Variants in ADAM12 observed in about 807,000 individuals in gnomAD.
The protein encoded by ADAM12 is disintegrin and metalloproteinase domain-containing protein 12.
ADAM12 carries 70 observed loss-of-function variants against 106.4 expected under a neutral mutation model. The observed-to-expected ratio is 0.66, with a 90% CI of 0.54 to 0.80. The LOEUF is 0.80. Among genes scored for constraint, ADAM12 ranks in the 30% least tolerant of loss-of-function variants. The probability of loss-of-function intolerance (pLI) is 0.00; values close to 1 mark genes in which losing one functional copy is unlikely to be tolerated. For missense variants in ADAM12, 1,010 were observed against 1,171.9 expected (o/e 0.86, Z 2.02); for synonymous variants, 420 against 433.5 (o/e 0.97, Z 0.39).
Position 126,043,047 on chromosome 10 carries a change from C to A in ADAM12, c.2097G>T (p.Arg699=), listed in dbSNP as rs780184067. 3 of 1,614,102 alleles carry A rather than the reference C, an allele frequency of 1.9e-6. No individual in the cohort carries two copies. The East Asian group carries it at 6.7e-5, about 36-fold the overall frequency. The change falls in exon 18 of 23, where the codon CGG becomes CGT. Residue 699 remains arginine, a synonymous_variant. Transcript: ENST00000448723. This position sits in a 1 kb window ranked among gnomAD's most constrained non-coding sequence, Gnocchi z 4.1. ...FGGSTDSGPI[R]QADNQGLTIG... ...TGCAGGGGCTTCACTGACCTGCTTG[C>A]CGGATGGGGCCGCTGTCTGTGCTTC... is the stretch of plus-strand genomic sequence containing the variant.
In ADAM12 at chr10:126,109,781, G is replaced by T. The variant is rs765908294; in HGVS notation, c.663C>A (p.Asn221Lys). The change falls in exon 7 of 23, where the codon AAC becomes AAA. Residue 221 changes from asparagine (N) to lysine (K), a missense_variant. Physicochemically the swap from Asn to Lys is moderately conservative, Grantham distance 94. Transcript: ENST00000448723. Reference protein sequence around the residue: ...KYVELVIVADNREFQRQGKDL... With the variant: ...KYVELVIVADKREFQRQGKDL... The stretch of plus-strand genomic sequence containing the variant: ...AATTTTAAAAAGTTCTTACCTCTCG[G>T]TTGTCTGCCACGATCACCAGCTCCA... 1.9e-6 allele frequency: 3 copies of T among 1,612,086 alleles called. No homozygotes were observed. Among genetic ancestry groups the T allele is most frequent in the Non-Finnish European group, 2.5e-6 (3 of 1,179,552 alleles).
At chr10:126,197,419 C>T (rs1338904882) in intron 3 of ADAM12, among the ~76,000 whole-genome samples, 1 of 152,174 alleles carries the variant, frequency 6.6e-6, no homozygotes, top group Non-Finnish European at 1.5e-5. Flanking sequence ...TTTGGTGATG[C>T]AGCCTGGAGG....
chr10:126,245,506 C>G (rs1000923102), intron 3 of ADAM12, among the ~76,000 whole-genome samples: 1 of 152,118 alleles, frequency 6.6e-6, no homozygotes, highest in African/African-American at 2.4e-5. Context: ...AAGGACTGGG[C>G]AGTGGGCAGG....
At chr10:126,156,334 G>A (rs1956815236) in intron 3 of ADAM12, among the ~76,000 whole-genome samples, 1 of 152,200 alleles carries the variant, frequency 6.6e-6, no homozygotes, top group Admixed American at 6.5e-5. Context: ...AAACACTTCA[G>A]CTATGACAGG....
At chr10:126,124,559 G>A (rs537698413) in intron 5 of ADAM12, among the ~76,000 whole-genome samples, 3 of 152,158 alleles carry the variant, frequency 2.0e-5, no homozygotes, top group Admixed American at 6.5e-5. Context: ...CACGACAGAG[G>A]AGGTAAGAGT....
At chr10:126,363,040 T>C (rs1165381958) in intron 1 of ADAM12, among the ~76,000 whole-genome samples, 1 of 152,144 alleles carries the variant, frequency 6.6e-6, no homozygotes, top group Non-Finnish European at 1.5e-5. Flanking sequence ...TAACATCAAT[T>C]TGGGCCCCAT....
intron 3 of ADAM12, among the ~76,000 whole-genome samples, chr10:126,242,610 C>T (rs1213723252): frequency 6.6e-6 from 1 of 152,180 alleles, no homozygotes; most frequent in Non-Finnish European, 1.5e-5. Flanking sequence ...CTCCACAACG[C>T]CCCTGACACA....
At chr10:126,098,770 T>A (rs1378820629) in intron 9 of ADAM12, among the ~76,000 whole-genome samples, 1 of 152,222 alleles carries the variant, frequency 6.6e-6, no homozygotes, top group Admixed American at 6.5e-5. Context: ...AATCTGCCTA[T>A]TTCCTAATGG....
chr10:126,291,752 C>T (rs1251986360), intron 2 of ADAM12, among the ~76,000 whole-genome samples: 2 of 152,064 alleles, frequency 1.3e-5, no homozygotes, highest in Admixed American at 1.3e-4. Flanking sequence ...GGATGCAGCT[C>T]TGGGATTGAG....
At chr10:126,260,117 A>G (rs973961441) in intron 3 of ADAM12, among the ~76,000 whole-genome samples, 3 of 152,170 alleles carry the variant, frequency 2.0e-5, no homozygotes, top group Non-Finnish European at 4.4e-5. Flanking sequence ...ACACATTACC[A>G]TACACATTAC....
chr10:126,172,214 A>G lies in ADAM12; in HGVS notation c.261-16909T>C, dbSNP rs1435761264. Among the ~76,000 whole-genome samples the G allele has an allele frequency of 2.6e-5, 4 of 152,226 alleles. No homozygotes were observed. The East Asian group carries it at 7.7e-4, about 29-fold the overall frequency. ...CAATGGATCCAACCAGAAAGTAGAT[A>G]AAATGTGGAGTTACTGTTCTTTATC... On this transcript the variant is annotated intron_variant, in intron 3 of 22. Coordinates refer to ENST00000448723, the MANE Select transcript of ADAM12 (RefSeq NM_001288973.2).
At chr10:126,078,021 G>A (rs1056064800) in intron 11 of ADAM12, among the ~76,000 whole-genome samples, 2 of 152,036 alleles carry the variant, frequency 1.3e-5, no homozygotes, top group Admixed American at 6.5e-5. Context: ...TGCCAGTAGC[G>A]AATATTAGAT....
chr10:126,265,755 G>A (rs971162794), intron 3 of ADAM12, among the ~76,000 whole-genome samples: 1 of 152,160 alleles, frequency 6.6e-6, no homozygotes, highest in Non-Finnish European at 1.5e-5. Flanking sequence ...TGTAAGGACT[G>A]CAAGATTTTA....
chr10:126,221,595 A>T (rs2133853371), intron 3 of ADAM12, among the ~76,000 whole-genome samples: 1 of 152,238 alleles, frequency 6.6e-6, no homozygotes, highest in African/African-American at 2.4e-5. Context: ...AATGCTTAAA[A>T]ATCTCTTCAC....
intron 3 of ADAM12, among the ~76,000 whole-genome samples, chr10:126,159,137 G>A (rs911647392): frequency 5.3e-5 from 8 of 151,932 alleles, no homozygotes; most frequent in Middle Eastern, 3.4e-3. Context: ...GTGAAACCCC[G>A]TCTCTACTAA....
At chr10:126,019,632 A>C in intron 22 of ADAM12, 63 bp downstream of exon 22, 1 of 1,576,394 alleles carries the variant, frequency 6.3e-7, no homozygotes, top group Non-Finnish European at 8.6e-7. Context: ...GGCTTGGATT[A>C]GTCGTGGTTG....
At chr10:126,182,967 T>C (rs1957340596) in intron 3 of ADAM12, among the ~76,000 whole-genome samples, 1 of 152,186 alleles carries the variant, frequency 6.6e-6, no homozygotes, top group African/African-American at 2.4e-5. Flanking sequence ...TGAAGCTTCA[T>C]CTGTATTTAC....
chr10:126,337,279 T>C (rs1296198138), intron 1 of ADAM12, among the ~76,000 whole-genome samples: 1 of 152,156 alleles, frequency 6.6e-6, no homozygotes, highest in Non-Finnish European at 1.5e-5. Context: ...GTCTGAAGTC[T>C]TCAGTCCCTG....
At chr10:126,085,436 CTAAT>C (rs1220735234) in intron 11 of ADAM12, among the ~76,000 whole-genome samples, 1 of 152,208 alleles carries the variant, frequency 6.6e-6, no homozygotes, top group East Asian at 1.9e-4. Flanking sequence ...CTGCACTTAT[CTAAT>C]TGTGCTGTAC....
Sources: gnomAD v4.1 joint callset for allele counts (sites outside exome capture counted in the v4.1 genomes callset) on GRCh38, gnomAD v4.1.1 for gene constraint, Gnocchi (gnomAD v3.1) non-coding constraint, MANE v1.5 for transcripts, NCBI Gene and HGNC (gene_info 2026-07-23, HGNC 2026-07-21) for gene names.